Variants in SMARCD3 observed in about 807,000 individuals in gnomAD.
The protein encoded by SMARCD3 is SWI/SNF-related matrix-associated actin-dependent regulator of chromatin subfamily D member 3.
In SMARCD3, 14 loss-of-function variants were observed where a neutral mutation model predicts 58.0. The observed-to-expected ratio is 0.24, with a 90% CI of 0.16 to 0.38. The LOEUF is 0.38. Among genes scored for constraint, SMARCD3 ranks in the 10% least tolerant of loss-of-function variants. SMARCD3 has a pLI of 1.00. For missense variants in SMARCD3, 408 were observed against 636.9 expected (o/e 0.64, Z 3.87); for synonymous variants, 253 against 253.8 (o/e 1.00, Z 0.03).
In SMARCD3 at chr7:151,239,802, G is replaced by A; in HGVS notation, c.1174-56C>T. 1 of 1,593,440 alleles carries A rather than the reference G, an allele frequency of 6.3e-7. No individual in the cohort carries two copies. The highest frequency in any genetic ancestry group is 1.1e-5 in the South Asian group (1 of 90,478). On this transcript the variant is annotated intron_variant, in intron 10 of 12. Transcript: ENST00000262188. The surrounding 1 kb of genome is among the most constrained non-coding windows in gnomAD (Gnocchi z 7.0). ...TGGCTTTGGTGATGTGGGAGACGAG[G>A]GGAAAGGAAGCGGGTGGGAAGGGGA...
intron 2 of SMARCD3, among the ~76,000 whole-genome samples, chr7:151,266,676 T>C (rs1461626569): frequency 6.6e-6 from 1 of 152,224 alleles, no homozygotes; most frequent in Non-Finnish European, 1.5e-5. Context: ...TAGTGTGTCA[T>C]GTCAGCGGCT....
At chr7:151,264,574 G>A (rs1804022754) in intron 2 of SMARCD3, among the ~76,000 whole-genome samples, 1 of 152,190 alleles carries the variant, frequency 6.6e-6, no homozygotes, top group Admixed American at 6.5e-5. Context: ...AACTGTGGGA[G>A]TTCCTCTGGA....
chr7:151,239,797 A>G lies in SMARCD3; in HGVS notation c.1174-51T>C, dbSNP rs750287546. Reference sequence around the variant, plus strand: ...CCACCTGGCTTTGGTGATGTGGGAGACGAGGGGAAAGGAAGCGGGTGGGAA... The same window carrying G: ...CCACCTGGCTTTGGTGATGTGGGAGGCGAGGGGAAAGGAAGCGGGTGGGAA... On this transcript the variant is annotated intron_variant, in intron 10 of 12. Transcript: ENST00000262188. This position sits in a 1 kb window ranked among gnomAD's most constrained non-coding sequence, Gnocchi z 7.0. The G allele has an allele frequency of 6.3e-7, 1 of 1,586,076 alleles. No individual in the cohort carries two copies. Among genetic ancestry groups the G allele is most frequent in the South Asian group, 1.1e-5 (1 of 90,428 alleles).
intron 2 of SMARCD3, among the ~76,000 whole-genome samples, chr7:151,271,512 G>A (rs1362784640): frequency 6.6e-6 from 1 of 152,104 alleles, no homozygotes; most frequent in African/African-American, 2.4e-5. Context: ...AAACTCACCT[G>A]TGGGGCCTGT....
Position 151,243,517 on chromosome 7 carries a change from C to T in SMARCD3, c.333+142G>A, listed in dbSNP as rs13237159. On this transcript the variant is annotated intron_variant, in intron 3 of 12. Transcript: ENST00000262188. The surrounding 1 kb of genome is among the most constrained non-coding windows in gnomAD (Gnocchi z 4.4). ...CACCTCACCCCCTCCCTCTGGCCTGCGGAGCCTCACTTATTAATGAGCTTT... is the reference window on the plus strand; with the variant it reads ...CACCTCACCCCCTCCCTCTGGCCTGTGGAGCCTCACTTATTAATGAGCTTT... The T allele has an allele frequency of 9.1e-6, 6 of 659,552 alleles. 1 individual carries two copies. Among genetic ancestry groups the T allele is most frequent in the South Asian group, 6.8e-5 (4 of 58,920 alleles). The allele number at this position is 659,552 out of a possible 1,614,324, so 40.9% of individuals were successfully genotyped here. A position where few individuals can be genotyped will look rare whatever the true frequency, so the allele number is the denominator to read the frequency against.
Position 151,242,875 on chromosome 7 carries a change from G to A in SMARCD3, c.334-32C>T. 1 of 1,613,118 alleles carries A rather than the reference G, an allele frequency of 6.2e-7. No homozygotes were observed. The highest frequency in any genetic ancestry group is 8.5e-7 in the Non-Finnish European group (1 of 1,179,528). On this transcript the variant is annotated intron_variant, in intron 3 of 12. Transcript: ENST00000262188. The surrounding 1 kb of genome is among the most constrained non-coding windows in gnomAD (Gnocchi z 4.7). ...AAGGAGGAGCAGGGCAGGAGTCAGA[G>A]GCTCAAGTCCAGGGTTGTACCATGG...
In SMARCD3 at chr7:151,239,821, A is replaced by G; in HGVS notation, c.1174-75T>C. 1.3e-6 allele frequency: 2 copies of G among 1,483,280 alleles called. No individual in the cohort carries two copies. Among genetic ancestry groups the G allele is most frequent in the Non-Finnish European group, 1.9e-6 (2 of 1,067,750 alleles). The allele number at this position is 1,483,280 out of a possible 1,614,324, so 91.9% of individuals were successfully genotyped here. ...GACGAGGGGAAAGGAAGCGGGTGGG[A>G]AGGGGAGGGAGAGGGGGTTTCTTCT... On this transcript the variant is annotated intron_variant, in intron 10 of 12. Transcript: ENST00000262188. This position sits in a 1 kb window ranked among gnomAD's most constrained non-coding sequence, Gnocchi z 7.0.
chr7:151,240,664 T>G, intron 8 of SMARCD3, 142 bp from the exon 9 acceptor site: 51 of 489,904 alleles, frequency 1.0e-4, no homozygotes, highest in East Asian at 3.4e-4. Context: ...GGGATTGGGG[T>G]GGGCTGGTCT....
chr7:151,256,258 C>T (rs1803695704), intron 2 of SMARCD3, among the ~76,000 whole-genome samples: 2 of 151,598 alleles, frequency 1.3e-5, no homozygotes, highest in Non-Finnish European at 2.9e-5. Context: ...GCAACCTCTG[C>T]CTCCTGGGCT....
Position 151,248,639 on chromosome 7 carries a change from C to T in SMARCD3, c.-77G>A, listed in dbSNP as rs1803394143. Reference sequence around the variant, plus strand: ...TCCCTTTTCTGCCTTTTTTTTTCCTCCAACTCTCCCCTCTGAGTCCTGCTG... The same window carrying T: ...TCCCTTTTCTGCCTTTTTTTTTCCTTCAACTCTCCCCTCTGAGTCCTGCTG... On this transcript the variant is annotated 5_prime_UTR_variant, in exon 1 of 13. Transcript: ENST00000262188. The surrounding 1 kb of genome is among the most constrained non-coding windows in gnomAD (Gnocchi z 6.1). 1.9e-6 allele frequency: 3 copies of T among 1,595,564 alleles called. No individual in the cohort carries two copies. The highest frequency in any genetic ancestry group is 4.6e-5 in the East Asian group (2 of 43,868).
At chr7:151,261,982 T>G (rs933650830) in intron 2 of SMARCD3, among the ~76,000 whole-genome samples, 6 of 152,180 alleles carry the variant, frequency 3.9e-5, no homozygotes, top group African/African-American at 1.4e-4. Flanking sequence ...GGTCATGCTG[T>G]GGGAAGCCTG....
intron 1 of SMARCD3, among the ~76,000 whole-genome samples, chr7:151,247,797 C>T (rs1032560303): frequency 6.6e-6 from 1 of 152,148 alleles, no homozygotes; most frequent in African/African-American, 2.4e-5. Context: ...TCCCCTGTCC[C>T]TTCGGTCTCT....
rs112223142 is a variant in SMARCD3, at chr7:151,259,601, GTTTTT to G, written c.40-13935_40-13931del. Among the ~76,000 whole-genome samples the G allele has an allele frequency of 9.7e-3, 686 of 70,450 alleles. 10 individuals carry two copies. Among genetic ancestry groups the G allele is most frequent in the African/African-American group, 0.038 (656 of 17,090 alleles). 46.2% of individuals were successfully genotyped at this position (70,450 alleles called of 152,430 possible). ...TGCCAGCTGAGGTTACAACCTGAGA[GTTTTT>G]TTTTTTTTTTTTTTTTTTTTGAGAC... On this transcript the variant is annotated intron_variant, in intron 2 of 13. Coordinates refer to the SMARCD3 transcript ENST00000356800.
In SMARCD3 at chr7:151,254,881, G is replaced by A. The variant is rs116153447; in HGVS notation, c.40-9210C>T. 4.2e-3 allele frequency among the ~76,000 whole-genome samples: 645 copies of A among 152,362 alleles called. 2 individuals carry two copies. Among genetic ancestry groups the A allele is most frequent in the African/African-American group, 0.014 (590 of 41,578 alleles). ...ATTCTGGGGTCTGGGTGTCACCGGA[G>A]TGAAGAGAAGTGAATAGTTAACAAA... On this transcript the variant is annotated intron_variant, in intron 2 of 13. Transcript: ENST00000356800.
chr7:151,256,166 G>A (rs934294224), intron 2 of SMARCD3, among the ~76,000 whole-genome samples: 1 of 150,390 alleles, frequency 6.6e-6, no homozygotes. Flanking sequence ...ACAGGCATGA[G>A]CCACTGCGCC....
chr7:151,275,466 A>C (rs1010315310), intron 1 of SMARCD3, among the ~76,000 whole-genome samples: 1 of 152,228 alleles, frequency 6.6e-6, no homozygotes, highest in Non-Finnish European at 1.5e-5. Flanking sequence ...GGAAGCAGAC[A>C]GAGACCGGCC....
Position 151,239,081 on chromosome 7 carries a change from C to A in SMARCD3, c.*22G>T, listed in dbSNP as rs771957774. On this transcript the variant is annotated 3_prime_UTR_variant, in exon 13 of 13. Coordinates refer to ENST00000262188, the MANE Select transcript of SMARCD3 (RefSeq NM_001003801.2). The surrounding 1 kb of genome is among the most constrained non-coding windows in gnomAD (Gnocchi z 7.0). ...CCCGGGACACGGCTGAAAGTTCCGT[C>A]GTGCTGCTTATTTTTGGGCTCCTAG... is the stretch of plus-strand genomic sequence containing the variant. 8 of 1,613,156 alleles carry A rather than the reference C, an allele frequency of 5.0e-6. No homozygotes were observed. The African/African-American group carries it at 6.7e-5, about 13-fold the overall frequency.
At position 151,267,564 on chromosome 7, in the gene SMARCD3, G is replaced by A. The variant is rs548119948; in HGVS notation, c.39+7550C>T. Among the ~76,000 whole-genome samples, 45 of 152,332 alleles carry A rather than the reference G, an allele frequency of 3.0e-4. 2 individuals carry two copies. The highest frequency in any genetic ancestry group is 2.7e-3 in the South Asian group (13 of 4,820). Reference sequence around the variant, plus strand: ...CCCTTCCCATTAGCAGCCATCATGAGGATTTATGAGCACTGCTTCTCAAAC... The same window carrying A: ...CCCTTCCCATTAGCAGCCATCATGAAGATTTATGAGCACTGCTTCTCAAAC... On this transcript the variant is annotated intron_variant, in intron 2 of 13. Coordinates refer to the SMARCD3 transcript ENST00000356800.
chr7:151,239,266 G>A lies in SMARCD3; in HGVS notation c.1399-110C>T, dbSNP rs1442414888. On this transcript the variant is annotated intron_variant, in intron 12 of 12. Transcript: ENST00000262188. The surrounding 1 kb of genome is among the most constrained non-coding windows in gnomAD (Gnocchi z 7.0). ...GAAAGAGCATCTGGGAGCAGGGAGGGCCATTGCATGGTGAGGCAGCGTGGT... is the reference window on the plus strand; with the variant it reads ...GAAAGAGCATCTGGGAGCAGGGAGGACCATTGCATGGTGAGGCAGCGTGGT... The A allele has an allele frequency of 6.6e-6, 9 of 1,359,194 alleles. No homozygotes were observed. Among genetic ancestry groups the A allele is most frequent in the Non-Finnish European group, 8.4e-6 (8 of 949,626 alleles). 84.2% of individuals were successfully genotyped at this position (1,359,194 alleles called of 1,614,324 possible). A position where few individuals can be genotyped will look rare whatever the true frequency, so the allele number is the denominator to read the frequency against.
Sources: allele counts gnomAD v4.1 joint callset (sites outside exome capture counted in the v4.1 genomes callset), GRCh38; gene constraint gnomAD v4.1.1; non-coding constraint Gnocchi (gnomAD v3.1); transcripts MANE v1.5; gene names NCBI Gene and HGNC (gene_info 2026-07-23, HGNC 2026-07-21).